Variants in PTPN5 observed in about 807,000 individuals in gnomAD.
The protein encoded by PTPN5 is protein tyrosine phosphatase non-receptor type 5.
A neutral mutation model predicts 73.9 loss-of-function variants in PTPN5; 29 were observed. The observed-to-expected ratio is 0.39, with a 90% CI of 0.29 to 0.54. PTPN5 has a LOEUF of 0.54. Ranked by LOEUF, PTPN5 falls within the 20% of genes least tolerant of loss-of-function variation. PTPN5 has a pLI of 0.65. For synonymous variants in PTPN5, 267 were observed against 304.7 expected (o/e 0.88, Z 1.29); for missense variants, 652 against 751.4 (o/e 0.87, Z 1.55).
intron 1 of PTPN5, among the ~76,000 whole-genome samples, chr11:18,789,459 C>T (rs1439608038): frequency 6.6e-6 from 1 of 152,186 alleles, no homozygotes; most frequent in Non-Finnish European, 1.5e-5. Flanking sequence ...CAGATCCCTT[C>T]ACTCTCAAGG....
intron 12 of PTPN5, among the ~76,000 whole-genome samples, chr11:18,732,176 C>T (rs3943574): frequency 0.039 from 5,885 of 152,256 alleles, 382 homozygotes; most frequent in African/African-American, 0.13. Context: ...GCACTACAGG[C>T]CAGAAGCCCA....
At chr11:18,787,194 A>G (rs575636493) in intron 1 of PTPN5, among the ~76,000 whole-genome samples, 1 of 152,362 alleles carries the variant, frequency 6.6e-6, no homozygotes, top group South Asian at 2.1e-4. Context: ...CATTCAAGTT[A>G]TCTGAGCTTT....
chr11:18,747,809 A>T (rs11024781), intron 3 of PTPN5, among the ~76,000 whole-genome samples: 53,372 of 152,132 alleles, frequency 0.35, 9,619 homozygotes, highest in Middle Eastern at 0.48. Context: ...GTCTATAAAA[A>T]GATAGCAAAT....
chr11:18,741,813 G>C (rs1266773602), intron 7 of PTPN5, among the ~76,000 whole-genome samples: 1 of 152,122 alleles, frequency 6.6e-6, no homozygotes, highest in Admixed American at 6.5e-5. Flanking sequence ...CCAAACCTCG[G>C]CATTATGCAA....
At chr11:18,784,870 T>C (rs754856535) in intron 1 of PTPN5, among the ~76,000 whole-genome samples, 4 of 151,852 alleles carry the variant, frequency 2.6e-5, no homozygotes, top group Admixed American at 6.6e-5. Context: ...TTTTTTCTTT[T>C]TGAGACAGGG....
At chr11:18,735,038 A>G (rs4757704) in intron 9 of PTPN5, among the ~76,000 whole-genome samples, 44,352 of 152,090 alleles carry the variant, frequency 0.29, 6,777 homozygotes, top group Middle Eastern at 0.4. Flanking sequence ...TCATTCCACA[A>G]TGACCTTGCT....
At position 18,744,163 on chromosome 11, in the gene PTPN5, T is replaced by G. The variant is rs1485771206; in HGVS notation, c.134A>C (p.Glu45Ala). The G allele has an allele frequency of 1.9e-6, 3 of 1,591,336 alleles. No individual in the cohort carries two copies. The highest frequency in any genetic ancestry group is 2.6e-6 in the Non-Finnish European group (3 of 1,170,880). Reference protein sequence around the residue: ...PQPIVMEALDEAEGLQDSQRE... With the variant: ...PQPIVMEALDAAEGLQDSQRE... ...CTGTGAGTCCTGGAGCCCTTCAGCC[T>G]CGTCCAGTGCCTCCATCACTATCGG... is the stretch of plus-strand genomic sequence containing the variant. Residue 45 changes from glutamate to alanine, a missense_variant, in exon 4 of 15, where the codon GAG (glutamate) becomes GCG (alanine). By Grantham distance (107) the Glu-to-Ala change is moderately radical. Coordinates refer to ENST00000358540, the MANE Select transcript of PTPN5 (RefSeq NM_006906.2).
rs763619508 is a variant in PTPN5, at chr11:18,733,538, C to A, written c.1080+18G>T. 6.2e-7 allele frequency: 1 copy of A among 1,613,856 alleles called. No individual in the cohort carries two copies. The highest frequency in any genetic ancestry group is 1.3e-5 in the African/African-American group (1 of 74,940). On this transcript the variant is annotated intron_variant, in intron 10 of 14. Transcript: ENST00000358540. The surrounding 1 kb of genome is among the most constrained non-coding windows in gnomAD (Gnocchi z 4.3). ...GGCCTCCCCTTGAGCAAGAGGCCGT[C>A]AGGGTGGGAATACGTACCCGGATGT...
In PTPN5 at chr11:18,732,682, C is replaced by T. The variant is rs747537639; in HGVS notation, c.1239G>A (p.Pro413=). The change falls in exon 12 of 15, where the codon CCG becomes CCA. Residue 413 remains proline (P), a synonymous_variant. Transcript: ENST00000358540. The stretch of plus-strand genomic sequence containing the variant: ...CACCGTCGTACGCCACCTGCTCCTC[C>T]GGCCAATACTCGGTGCATTTCTGCA... The part of the protein sequence containing the change: ...EMNEKCTEYW[P]EEQVAYDGVE... 42 of 1,613,702 alleles carry T rather than the reference C, an allele frequency of 2.6e-5. No individual in the cohort carries two copies. In the Admixed American group the frequency reaches 2.7e-4, roughly 10 times the overall value.
chr11:18,733,174 C>T lies in PTPN5; in HGVS notation c.1218+61G>A. ...ATTGTCATAAAGATTAATTTGAGAACAAGATACTTAGTGTAGGGCGCAATG... is the reference window on the plus strand; with the variant it reads ...ATTGTCATAAAGATTAATTTGAGAATAAGATACTTAGTGTAGGGCGCAATG... On this transcript the variant is annotated intron_variant, in intron 11 of 14. Coordinates refer to ENST00000358540, the MANE Select transcript of PTPN5 (RefSeq NM_006906.2). The surrounding 1 kb of genome is among the most constrained non-coding windows in gnomAD (Gnocchi z 4.3). 2 of 1,574,048 alleles carry T rather than the reference C, an allele frequency of 1.3e-6. No homozygotes were observed. Among genetic ancestry groups the T allele is most frequent in the East Asian group, 2.3e-5 (1 of 44,070 alleles).
chr11:18,779,481 G>T (rs1014546533), intron 1 of PTPN5, among the ~76,000 whole-genome samples: 3 of 152,112 alleles, frequency 2.0e-5, no homozygotes, highest in Non-Finnish European at 2.9e-5. Context: ...CCTACCATAT[G>T]CCACATGCTT....
chr11:18,786,841 C>T (rs1851696317), intron 1 of PTPN5, among the ~76,000 whole-genome samples: 1 of 152,186 alleles, frequency 6.6e-6, no homozygotes, highest in Non-Finnish European at 1.5e-5. Context: ...TAATTTCTCC[C>T]TCCCCACTGC....
At chr11:18,740,490 G>A in intron 8 of PTPN5, 113 bp downstream of exon 8, 1 of 959,240 alleles carries the variant, frequency 1.0e-6, no homozygotes, top group Non-Finnish European at 1.4e-6. Flanking sequence ...ATAATAAAGT[G>A]ATACTAATCT....
At chr11:18,781,262 G>T (rs888609929) in intron 1 of PTPN5, among the ~76,000 whole-genome samples, 4 of 151,466 alleles carry the variant, frequency 2.6e-5, no homozygotes, top group South Asian at 2.1e-4. Context: ...TGCCTCACTG[G>T]CAGGAAGTCA....
intron 2 of PTPN5, among the ~76,000 whole-genome samples, chr11:18,769,884 C>T (rs887129324): frequency 6.6e-6 from 1 of 152,106 alleles, no homozygotes; most frequent in Non-Finnish European, 1.5e-5. Context: ...TCAGCAGAGG[C>T]ACGTGGGCAA....
At chr11:18,764,937 C>T (rs1201493049) in intron 3 of PTPN5, among the ~76,000 whole-genome samples, 1 of 152,134 alleles carries the variant, frequency 6.6e-6, no homozygotes, top group African/African-American at 2.4e-5. Flanking sequence ...TGGTCTCGAT[C>T]TCCTGACCTC....
At chr11:18,780,229 C>T (rs1221629710) in intron 1 of PTPN5, among the ~76,000 whole-genome samples, 2 of 152,196 alleles carry the variant, frequency 1.3e-5, no homozygotes, top group African/African-American at 4.8e-5. Flanking sequence ...ACCTCCTCTG[C>T]CCTCTGGAGA....
chr11:18,751,102 C>T (rs1849867920), intron 3 of PTPN5, among the ~76,000 whole-genome samples: 1 of 152,218 alleles, frequency 6.6e-6, no homozygotes, highest in Non-Finnish European at 1.5e-5. Context: ...AATATCACAC[C>T]CTCAGCACTC....
Position 18,729,032 on chromosome 11 carries a change from C to A in PTPN5, c.1605-5G>T, listed in dbSNP as rs111674328. 187 of 1,613,454 alleles carry A rather than the reference C, an allele frequency of 1.2e-4. 1 individual carries two copies. The African/African-American group carries it at 2.4e-3, about 20-fold the overall frequency. On this transcript the variant is annotated splice_region_variant and splice_polypyrimidine_tract_variant and intron_variant, in intron 14 of 14. Coordinates refer to ENST00000358540, the MANE Select transcript of PTPN5 (RefSeq NM_006906.2). This position sits in a 1 kb window ranked among gnomAD's most constrained non-coding sequence, Gnocchi z 5.2. ...CATGTCTGGATCATGCCGCCCCTGCCCGGCAGAGATGCACAGTGGGGGCAG... is the reference window on the plus strand; with the variant it reads ...CATGTCTGGATCATGCCGCCCCTGCACGGCAGAGATGCACAGTGGGGGCAG...
Sources: gnomAD v4.1 joint callset for allele counts (sites outside exome capture counted in the v4.1 genomes callset) on GRCh38, gnomAD v4.1.1 for gene constraint, Gnocchi (gnomAD v3.1) non-coding constraint, MANE v1.5 for transcripts, NCBI Gene and HGNC (gene_info 2026-07-23, HGNC 2026-07-21) for gene names.